The following PIKFYVE variants were observed in gnomAD, a reference collection of about 807,000 sequenced individuals.
PIKFYVE encodes the protein 1-phosphatidylinositol 3-phosphate 5-kinase.
Under a neutral mutation model 257.9 loss-of-function variants are expected in PIKFYVE, and 122 were observed. The ratio of observed to expected loss-of-function variants is 0.47; its 90% CI spans 0.41 to 0.55. The LOEUF is 0.55. PIKFYVE is among the 20% of genes least tolerant of loss of function. The probability of loss-of-function intolerance (pLI) is 0.00; values close to 1 mark genes in which losing one functional copy is unlikely to be tolerated. For synonymous variants in PIKFYVE, 892 were observed against 868.9 expected (o/e 1.03, Z -0.47); for missense variants, 2,160 against 2,536.6 (o/e 0.85, Z 3.19).
At chr2:208,269,820 T>C in intron 1 of PIKFYVE, 1 of 246,040 alleles carries the variant, frequency 4.1e-6, no homozygotes, top group Non-Finnish European at 8.8e-6. Flanking sequence ...GCTCCTTGGT[T>C]TTCTCAGGGG....
chr2:208,286,054 C>T (rs1691533909), intron 6 of PIKFYVE, 121 bp downstream of exon 6: 1 of 1,028,316 alleles, frequency 9.7e-7, no homozygotes, highest in Non-Finnish European at 1.4e-6. Context: ...TCACTGTGTT[C>T]TCCTTTTTCT....
chr2:208,288,244 C>T (rs1430782622), intron 6 of PIKFYVE, among the ~76,000 whole-genome samples: 1 of 152,062 alleles, frequency 6.6e-6, no homozygotes, highest in Non-Finnish European at 1.5e-5. Context: ...ACTATTTTCT[C>T]CTTTTGACAG....
chr2:208,312,351 A>C, intron 13 of PIKFYVE, 56 bp downstream of exon 13: 1 of 1,369,842 alleles, frequency 7.3e-7, no homozygotes, highest in South Asian at 1.2e-5. Context: ...ATGAGGATAT[A>C]CTTAGGGCTT....
At chr2:208,343,331 C>A (rs1362888077) in intron 32 of PIKFYVE, among the ~76,000 whole-genome samples, 1 of 152,092 alleles carries the variant, frequency 6.6e-6, no homozygotes, top group African/African-American at 2.4e-5. Flanking sequence ...TTGTACCATT[C>A]ACTCATTTTC....
rs1696110531 is a variant in PIKFYVE at position 208,320,703 on chromosome 2, C to G, written c.2190+344C>G. Among the ~76,000 whole-genome samples, 3 of 152,138 alleles carry G rather than the reference C, an allele frequency of 2.0e-5. No homozygotes were observed. In the South Asian group the frequency reaches 6.2e-4, roughly 32 times the overall value. On this transcript the variant is annotated intron_variant, in intron 17 of 41. Coordinates refer to ENST00000264380, the MANE Select transcript of PIKFYVE (RefSeq NM_015040.4). ...ATGCTACTAAAACATATTTCTAGAA[C>G]ATCAATTAGCTTATATGTAGTTGGC...
At chr2:208,348,732 C>T (rs763934912) in intron 35 of PIKFYVE, among the ~76,000 whole-genome samples, 15 of 151,142 alleles carry the variant, frequency 9.9e-5, no homozygotes, top group Non-Finnish European at 1.9e-4. Context: ...GGAAACAGAC[C>T]CATTCATTTA....
intron 21 of PIKFYVE, among the ~76,000 whole-genome samples, 155 bp from the exon 22 acceptor site, chr2:208,329,687 A>G (rs1160294689): frequency 6.6e-6 from 1 of 152,238 alleles, no homozygotes; most frequent in Non-Finnish European, 1.5e-5. Context: ...AACTTGTTTT[A>G]TTAAAACCTG....
chr2:208,350,032 G>C lies in PIKFYVE; in HGVS notation c.5383G>C (p.Asp1795His), dbSNP rs1334777340. 1 of 1,611,990 alleles carries C rather than the reference G, an allele frequency of 6.2e-7. No homozygotes were observed. Among genetic ancestry groups the C allele is most frequent in the Non-Finnish European group, 8.5e-7 (1 of 1,178,648 alleles). ...NQGVEPQDEVDGGDTQKKQLI... is the reference protein window; with the variant it reads ...NQGVEPQDEVHGGDTQKKQLI... ...GATATTAAACCTTTTAGATGAAGTA[G>C]ATGGAGGAGATACACAAAAGAAGCA... is the stretch of plus-strand genomic sequence containing the variant. Residue 1795 changes from aspartate (D) to histidine (H), a missense_variant, in exon 36 of 42, where the codon GAT (aspartate) becomes CAT (histidine). By Grantham distance (81) the Asp-to-His change is moderately conservative. This residue lies in a region of PIKFYVE where 699 missense variants were observed against 855.8 expected (regional missense o/e 0.82). Coordinates refer to ENST00000264380, the MANE Select transcript of PIKFYVE (RefSeq NM_015040.4).
At chr2:208,268,824 T>A (rs1033744453) in intron 1 of PIKFYVE, among the ~76,000 whole-genome samples, 4 of 151,936 alleles carry the variant, frequency 2.6e-5, no homozygotes, top group Non-Finnish European at 5.9e-5. Context: ...TTGCCAAAAT[T>A]CTGTTTAAGT....
At chr2:208,268,800 C>A (rs990167126) in intron 1 of PIKFYVE, among the ~76,000 whole-genome samples, 1 of 151,712 alleles carries the variant, frequency 6.6e-6, no homozygotes. Context: ...TCTTCCCCCC[C>A]CAATAAACAT....
At chr2:208,269,532 T>C (rs1689134306) in intron 1 of PIKFYVE, 2 of 281,460 alleles carry the variant, frequency 7.1e-6, no homozygotes, top group African/African-American at 2.3e-5. Context: ...AGTCCTCATA[T>C]GTGCCTTGGT....
intron 41 of PIKFYVE, 36 bp from the exon 42 acceptor site, chr2:208,355,154 A>G: frequency 6.6e-7 from 1 of 1,520,358 alleles, no homozygotes; most frequent in Admixed American, 1.7e-5. Context: ...CAATTATATA[A>G]CAGCTTTTTC....
intron 29 of PIKFYVE, among the ~76,000 whole-genome samples, chr2:208,339,166 G>A (rs969517274): frequency 2.6e-5 from 4 of 152,212 alleles, no homozygotes; most frequent in African/African-American, 9.6e-5. Context: ...TGGATAGCGT[G>A]TTGGATAGGA....
chr2:208,334,432 C>G (rs540405483), intron 24 of PIKFYVE: 1 of 152,988 alleles, frequency 6.5e-6, no homozygotes, highest in African/African-American at 2.4e-5. Flanking sequence ...CTGCTCTTAC[C>G]TCCTACTGCT....
chr2:208,328,942 G>C (rs1169891194), intron 21 of PIKFYVE, among the ~76,000 whole-genome samples: 1 of 152,172 alleles, frequency 6.6e-6, no homozygotes, highest in East Asian at 1.9e-4. Flanking sequence ...GCATTTTGAT[G>C]ATAGCATGTA....
intron 29 of PIKFYVE, 31 bp downstream of exon 29, chr2:208,338,599 G>T (rs550570222): frequency 6.3e-7 from 1 of 1,592,080 alleles, no homozygotes; most frequent in Admixed American, 1.7e-5. Context: ...ATCACTTGCC[G>T]TAGGATTTAA....
chr2:208,285,624 T>C, intron 5 of PIKFYVE, 102 bp from the exon 6 acceptor site: 1 of 919,166 alleles, frequency 1.1e-6, no homozygotes, highest in Non-Finnish European at 1.8e-6. Context: ...CGTTATTAGA[T>C]GAACTGTTGA....
chr2:208,286,005 C>A, intron 6 of PIKFYVE, 72 bp downstream of exon 6: 1 of 1,390,000 alleles, frequency 7.2e-7, no homozygotes, highest in Non-Finnish European at 1.0e-6. Context: ...TGAGTGCTTT[C>A]AGTTAACACT....
In PIKFYVE at chr2:208,321,968, G is replaced by C. The variant is rs561450436; in HGVS notation, c.2190+1609G>C. ...GTTCTAGGTATTATATGATCTGTTG[G>C]GAAATTGGAATTAGGAAGTAGCTGA... On this transcript the variant is annotated intron_variant, in intron 17 of 41. Coordinates refer to ENST00000264380, the MANE Select transcript of PIKFYVE (RefSeq NM_015040.4). 5.3e-5 allele frequency among the ~76,000 whole-genome samples: 8 copies of C among 152,266 alleles called. No individual in the cohort carries two copies. In the South Asian group the frequency reaches 1.4e-3, roughly 28 times the overall value.
Sources: gnomAD v4.1 joint callset for allele counts (sites outside exome capture counted in the v4.1 genomes callset) on GRCh38, gnomAD v4.1.1 for gene constraint, gnomAD v4.1.1 regional missense constraint, MANE v1.5 for transcripts, NCBI Gene and HGNC (gene_info 2026-07-23, HGNC 2026-07-21) for gene names.